BLTP3A: variants seen among roughly 807,000 people sequenced by gnomAD.
BLTP3A encodes ICBP90 binding protein 1.
At chr6:34,824,346 A>G in the BLTP3A span, among the ~76,000 whole-genome samples, 7 of 151,986 alleles carry the variant, frequency 4.6e-5, no homozygotes, top group Non-Finnish European at 8.8e-5. Flanking sequence ...CAGCCTGGCT[A>G]ACATGGTGAA....
At chr6:34,837,317 G>A in the BLTP3A span, among the ~76,000 whole-genome samples, 1 of 152,162 alleles carries the variant, frequency 6.6e-6, no homozygotes, top group Non-Finnish European at 1.5e-5. Flanking sequence ...TGAGGTGAGA[G>A]GATTGCTTGA....
the BLTP3A span, among the ~76,000 whole-genome samples, chr6:34,846,144 CCTTG>C: frequency 8.6e-6 from 1 of 116,338 alleles, no homozygotes; most frequent in Non-Finnish European, 1.7e-5. Flanking sequence ...TTCCTTCTTT[CCTTG>C]CTTCCATTTT....
At chr6:34,872,910 G>C in the BLTP3A span, 1 of 153,038 alleles carries the variant, frequency 6.5e-6, no homozygotes, top group Non-Finnish European at 1.5e-5. Flanking sequence ...CTGAGCTTTG[G>C]CCATGGTAGT....
At chr6:34,793,268 T>TAG in the BLTP3A span, among the ~76,000 whole-genome samples, 2 of 152,220 alleles carry the variant, frequency 1.3e-5, no homozygotes, top group African/African-American at 4.8e-5. Context: ...AGGTTTCACT[T>TAG]AGTTTTCACT....
chr6:34,845,506 C>T, the BLTP3A span, among the ~76,000 whole-genome samples: 1 of 152,156 alleles, frequency 6.6e-6, no homozygotes, highest in Non-Finnish European at 1.5e-5. Flanking sequence ...GCAGCCTCAA[C>T]CTCCTGGGCT....
the BLTP3A span, chr6:34,821,733 A>T: frequency 1.2e-6 from 2 of 1,614,186 alleles, no homozygotes; most frequent in South Asian, 1.1e-5. Context: ...CTGGAGCTGG[A>T]TGAAGAGGTT....
At chr6:34,798,462 A>G in the BLTP3A span, among the ~76,000 whole-genome samples, 1 of 152,144 alleles carries the variant, frequency 6.6e-6, no homozygotes, top group Non-Finnish European at 1.5e-5. Context: ...GATACACTAA[A>G]CCATTTTCCA....
the BLTP3A span, among the ~76,000 whole-genome samples, chr6:34,869,752 A>G: frequency 1.8e-4 from 27 of 148,066 alleles, no homozygotes; most frequent in Non-Finnish European, 3.5e-4. Flanking sequence ...CCCGGGTTCA[A>G]GTGATTCTCA....
chr6:34,875,910 A>T, the BLTP3A span: 1 of 152,644 alleles, frequency 6.6e-6, no homozygotes, highest in South Asian at 2.1e-4. Flanking sequence ...GAGCTACAAG[A>T]CTTGGAACAA....
At chr6:34,873,961 A>G in the BLTP3A span, 1 of 152,234 alleles carries the variant, frequency 6.6e-6, no homozygotes, top group Non-Finnish European at 1.5e-5. Flanking sequence ...AACAGGACCC[A>G]ATTTGTTCAG....
chr6:34,792,421 C>A, the BLTP3A span: 2 of 975,774 alleles, frequency 2.0e-6, no homozygotes, highest in African/African-American at 1.7e-5. Context: ...TCCGTGGCAG[C>A]CCCTGCCTAA....
chr6:34,792,237 G>T, the BLTP3A span: 1 of 1,534,894 alleles, frequency 6.5e-7, no homozygotes, highest in African/African-American at 1.4e-5. Flanking sequence ...TTCCACGCGG[G>T]CCGCGGCTCC....
At chr6:34,852,141 T>G in the BLTP3A span, among the ~76,000 whole-genome samples, 1 of 152,144 alleles carries the variant, frequency 6.6e-6, no homozygotes, top group Non-Finnish European at 1.5e-5. Context: ...GGTACCCAGC[T>G]GCAAGACAAA....
the BLTP3A span, among the ~76,000 whole-genome samples, chr6:34,853,706 G>A: frequency 4.6e-5 from 7 of 151,816 alleles, no homozygotes; most frequent in East Asian, 1.9e-4. Context: ...GATTACAAGC[G>A]TGTGCCACCA....
the BLTP3A span, chr6:34,864,023 T>G: frequency 1.2e-6 from 2 of 1,611,782 alleles, no homozygotes; most frequent in Non-Finnish European, 1.7e-6. Flanking sequence ...CCAAGACAGA[T>G]GAGGGGGTGG....
the BLTP3A span, among the ~76,000 whole-genome samples, chr6:34,829,492 A>G: frequency 6.6e-6 from 1 of 152,234 alleles, no homozygotes; most frequent in African/African-American, 2.4e-5. Flanking sequence ...GCTTCCGGCT[A>G]CTTTAGCTTA....
the BLTP3A span, among the ~76,000 whole-genome samples, chr6:34,811,742 C>G: frequency 6.7e-6 from 1 of 148,154 alleles, no homozygotes; most frequent in Non-Finnish European, 1.5e-5. Flanking sequence ...GCCTGTAATC[C>G]TGCCCACTCG....
chr6:34,856,412 G>A, the BLTP3A span: 15 of 1,613,154 alleles, frequency 9.3e-6, no homozygotes, highest in East Asian at 3.1e-4. Context: ...AAAAGCAGGT[G>A]GGTTATGAGG....
chr6:34,857,020 G>A, the BLTP3A span: 1 of 1,488,682 alleles, frequency 6.7e-7, no homozygotes, highest in Non-Finnish European at 9.1e-7. Context: ...TGGAATTTGG[G>A]GACTATTTAC....
Sources: gnomAD v4.1 joint callset for allele counts (sites outside exome capture counted in the v4.1 genomes callset) on GRCh38, gnomAD v4.1.1 for gene constraint, MANE v1.5 for transcripts, NCBI Gene and HGNC (gene_info 2026-07-23, HGNC 2026-07-21) for gene names.